AKAP13: variants seen among roughly 807,000 people sequenced by gnomAD.
The protein encoded by AKAP13 is A-kinase anchor protein 13.
A neutral mutation model predicts 264.5 loss-of-function variants in AKAP13; 80 were observed. That is an observed-to-expected ratio of 0.30 (90% CI 0.25 to 0.36). The LOEUF (loss-of-function observed/expected upper bound fraction) is 0.36, where lower values mean the gene tolerates loss of function less well. AKAP13 is among the 10% of genes least tolerant of loss of function. AKAP13 has a pLI of 1.00. For missense variants in AKAP13, 3,712 were observed against 3,435.2 expected, an observed-to-expected ratio of 1.08 and a Z score of -2.01; for synonymous variants, 1,380 against 1,250.2, an observed-to-expected ratio of 1.10 and a Z score of -2.19.
At chr15:85,443,036 T>C (rs1436298595) in intron 1 of AKAP13, among the ~76,000 whole-genome samples, 1 of 152,198 alleles carries the variant, frequency 6.6e-6, no homozygotes, top group Non-Finnish European at 1.5e-5. Flanking sequence ...AGCTAGTATG[T>C]GGTAGGTTTG....
chr15:85,704,912 C>G (rs373245357), intron 17 of AKAP13, among the ~76,000 whole-genome samples: 28 of 152,144 alleles, frequency 1.8e-4, no homozygotes, highest in African/African-American at 6.3e-4. Flanking sequence ...ACGCACAGCT[C>G]TAAAACTGTC....
At chr15:85,678,497 T>C (rs1035320685) in intron 14 of AKAP13, among the ~76,000 whole-genome samples, 5 of 152,224 alleles carry the variant, frequency 3.3e-5, no homozygotes, top group Non-Finnish European at 7.3e-5. Flanking sequence ...CCAGTTGTAA[T>C]AGAAGGAAGG....
intron 17 of AKAP13, among the ~76,000 whole-genome samples, chr15:85,700,829 C>A (rs1372609071): frequency 6.6e-6 from 1 of 151,888 alleles, no homozygotes; most frequent in African/African-American, 2.4e-5. Context: ...TAAAAAAAAA[C>A]TGCTAATATT....
chr15:85,582,035 G>A lies in AKAP13; in HGVS notation c.3967G>A (p.Ala1323Thr). 1 of 1,614,058 alleles carries A rather than the reference G, an allele frequency of 6.2e-7. No individual in the cohort carries two copies. The highest frequency in any genetic ancestry group is 8.5e-7 in the Non-Finnish European group (1 of 1,179,990). Residue 1323 changes from alanine to threonine, a missense_variant, in exon 7 of 37, where the codon GCA (alanine) becomes ACA (threonine). Transcript: ENST00000394518. ...TCCTGAGGAAGCCACGGGGAGCCTT[G>A]CAGGATGTTTTGCTGGAAGGGAGGA... The part of the protein sequence containing the change: ...STPEEATGSL[A>T]GCFAGREEPE...
chr15:85,662,331 T>C (rs2083392458), intron 12 of AKAP13: 1 of 1,581,034 alleles, frequency 6.3e-7, no homozygotes, highest in African/African-American at 1.3e-5. Flanking sequence ...AATAACCCCA[T>C]TCCTGTTTCC....
chr15:85,585,608 A>T (rs2079307071), intron 7 of AKAP13, 94 bp from the exon 8 acceptor site: 1 of 1,559,714 alleles, frequency 6.4e-7, no homozygotes, highest in Admixed American at 1.8e-5. Context: ...CAAAAGCAAA[A>T]CAAAACACAT....
At chr15:85,681,360 T>C (rs2084588447) in intron 14 of AKAP13, among the ~76,000 whole-genome samples, 1 of 152,218 alleles carries the variant, frequency 6.6e-6, no homozygotes, top group South Asian at 2.1e-4. Context: ...CTTGCTCTCA[T>C]CTAAGTCTTC....
rs1206505344 is a variant in AKAP13 at position 85,581,253 on chromosome 15, C to T, written c.3185C>T (p.Pro1062Leu). The T allele has an allele frequency of 5.6e-6, 9 of 1,614,050 alleles. No homozygotes were observed. Among genetic ancestry groups the T allele is most frequent in the Non-Finnish European group, 6.8e-6 (8 of 1,180,024 alleles). ...TCCGATGCTCTTAACTGCAGTCAGC[C>T]TTCTCCTCTGGATGTTGGAGTGAAG... is the stretch of plus-strand genomic sequence containing the variant. ...DGSDALNCSQPSPLDVGVKNT... is the reference protein window; with the variant it reads ...DGSDALNCSQLSPLDVGVKNT... Residue 1062 changes from proline (P) to leucine (L), a missense_variant, in exon 7 of 37, where the codon CCT (proline) becomes CTT (leucine). Around this residue, in one of 3 missense-constraint regions of AKAP13, gnomAD observed 2,759 missense variants for 2,411.7 expected, o/e 1.14. Transcript: ENST00000394518.
chr15:85,459,958 A>G (rs997848429), intron 1 of AKAP13, among the ~76,000 whole-genome samples: 1 of 152,094 alleles, frequency 6.6e-6, no homozygotes, highest in Non-Finnish European at 1.5e-5. Flanking sequence ...CTTCATCCCT[A>G]TTACTATTGC....
In AKAP13 at chr15:85,581,168, G is replaced by C. The variant is rs1426234742; in HGVS notation, c.3100G>C (p.Gly1034Arg). ...LATESRQEAL[G>R]AEHNSSALLP... The stretch of plus-strand genomic sequence containing the variant: ...CACAGAGTCAAGGCAGGAAGCCTTG[G>C]GGGCAGAGCACAACAGCTCCGCTCT... Residue 1034 changes from glycine to arginine, a missense_variant, in exon 7 of 37, where the codon GGG (glycine) becomes CGG (arginine). Gly to Arg is a moderately radical substitution (Grantham distance 125, BLOSUM62 -2). This residue lies in a region of AKAP13 where 2,759 missense variants were observed against 2,411.7 expected (regional missense o/e 1.14). Transcript: ENST00000394518. 6.2e-7 allele frequency: 1 copy of C among 1,614,046 alleles called. No homozygotes were observed. Among genetic ancestry groups the C allele is most frequent in the African/African-American group, 1.3e-5 (1 of 74,922 alleles).
chr15:85,614,551 T>C (rs1367891924), intron 8 of AKAP13, among the ~76,000 whole-genome samples: 1 of 152,218 alleles, frequency 6.6e-6, no homozygotes, highest in Non-Finnish European at 1.5e-5. Flanking sequence ...AAAAACATCT[T>C]TTTCTGTCCT....
At chr15:85,446,544 G>T (rs1357147139) in intron 1 of AKAP13, among the ~76,000 whole-genome samples, 1 of 152,186 alleles carries the variant, frequency 6.6e-6, no homozygotes, top group African/African-American at 2.4e-5. Flanking sequence ...TTTAGGGCTA[G>T]AGACTCAAAG....
At chr15:85,660,708 A>G (rs1012129212) in intron 12 of AKAP13, among the ~76,000 whole-genome samples, 1 of 152,156 alleles carries the variant, frequency 6.6e-6, no homozygotes, top group African/African-American at 2.4e-5. Context: ...CACACAAGTA[A>G]ATTATGTCAG....
At position 85,435,859 on chromosome 15, in the gene AKAP13, A is replaced by G. The variant is rs964538335; in HGVS notation, c.-11-49851A>G. Among the ~76,000 whole-genome samples the G allele has an allele frequency of 2.2e-4, 32 of 147,926 alleles. 1 individual carries two copies. The highest frequency in any genetic ancestry group is 3.4e-3 in the Middle Eastern group (1 of 292). On this transcript the variant is annotated intron_variant, in intron 1 of 36. Transcript: ENST00000394518. The stretch of plus-strand genomic sequence containing the variant: ...AACAACTGGTACCAGCCGCTGCAAA[A>G]TCATGCCAAAATGTAAAGACCATCG...
intron 32 of AKAP13, 58 bp downstream of exon 32, chr15:85,735,688 C>CTT (rs2088418490): frequency 6.7e-7 from 1 of 1,484,440 alleles, no homozygotes; most frequent in Admixed American, 2.1e-5. Context: ...GAATTCATAA[C>CTT]CTTTGAAATT....
At chr15:85,704,059 T>C (rs567710547) in intron 17 of AKAP13, among the ~76,000 whole-genome samples, 1 of 152,300 alleles carries the variant, frequency 6.6e-6, no homozygotes, top group African/African-American at 2.4e-5. Flanking sequence ...AGTTGTGCAT[T>C]TCTATCCTTA....
intron 10 of AKAP13, among the ~76,000 whole-genome samples, chr15:85,650,478 T>A (rs4240775): frequency 6.6e-6 from 1 of 151,844 alleles, no homozygotes; most frequent in Non-Finnish European, 1.5e-5. Context: ...ATTAAGAAAA[T>A]GACAATTGCG....
At chr15:85,394,493 A>G (rs1340631199) in intron 1 of AKAP13, among the ~76,000 whole-genome samples, 1 of 152,212 alleles carries the variant, frequency 6.6e-6, no homozygotes, top group Non-Finnish European at 1.5e-5. Context: ...CTGGCAAATG[A>G]ATGGAGCATG....
chr15:85,480,191 A>G (rs572786986), intron 1 of AKAP13, among the ~76,000 whole-genome samples: 50 of 152,328 alleles, frequency 3.3e-4, no homozygotes, highest in African/African-American at 1.0e-3. Flanking sequence ...ATTCTTTTCT[A>G]TGATTATTGT....
Sources: allele counts gnomAD v4.1 joint callset (sites outside exome capture counted in the v4.1 genomes callset), GRCh38; gene constraint gnomAD v4.1.1; regional missense constraint gnomAD v4.1.1; transcripts MANE v1.5; gene names NCBI Gene and HGNC (gene_info 2026-07-23, HGNC 2026-07-21).